The following KCTD8 variants were observed in gnomAD, a reference collection of about 807,000 sequenced individuals.
KCTD8 encodes the protein potassium channel tetramerization domain containing 8, also known as BTB/POZ domain-containing protein KCTD8.
A neutral mutation model predicts 31.5 loss-of-function variants in KCTD8; 27 were observed. The observed-to-expected ratio is 0.86, with a 90% CI of 0.63 to 1.18. KCTD8 has a LOEUF of 1.18. KCTD8 is among the 50% of genes most tolerant of loss of function. The pLI is 0.00. For missense variants in KCTD8, 658 were observed against 647.7 expected (o/e 1.02, Z -0.17); for synonymous variants, 290 against 280.0 (o/e 1.04, Z -0.36).
intron 1 of KCTD8, among the ~76,000 whole-genome samples, chr4:44,239,858 C>T (rs1051488610): frequency 9.2e-5 from 14 of 152,186 alleles, no homozygotes; most frequent in African/African-American, 3.1e-4. Flanking sequence ...ATCTCTCAGA[C>T]CAGTCCTCTA....
intron 1 of KCTD8, among the ~76,000 whole-genome samples, chr4:44,239,627 C>A (rs1715391121): frequency 6.6e-6 from 1 of 152,150 alleles, no homozygotes; most frequent in Non-Finnish European, 1.5e-5. Context: ...CCATATGATT[C>A]TGTAGTCTTT....
At chr4:44,310,385 CAGAG>C (rs1397312989) in intron 1 of KCTD8, among the ~76,000 whole-genome samples, 1 of 151,856 alleles carries the variant, frequency 6.6e-6, no homozygotes, top group African/African-American at 2.4e-5. Flanking sequence ...AAAATGGGAG[CAGAG>C]AGATTTATGA....
At chr4:44,447,003 C>A (rs1270704036) in intron 1 of KCTD8, among the ~76,000 whole-genome samples, 2 of 152,208 alleles carry the variant, frequency 1.3e-5, no homozygotes, top group Non-Finnish European at 2.9e-5. Flanking sequence ...GCTCTGGGGG[C>A]ACCTTTATCG....
chr4:44,267,819 T>C lies in KCTD8; in HGVS notation c.962-92569A>G, dbSNP rs143995314. On this transcript the variant is annotated intron_variant, in intron 1 of 1. Coordinates refer to ENST00000360029, the MANE Select transcript of KCTD8 (RefSeq NM_198353.3). ...AAGAAATGGTAAATCCCTCGACACA[T>C]ACATTCTCCCAAGACTAAACCAGGA... Among the ~76,000 whole-genome samples the C allele has an allele frequency of 6.0e-3, 914 of 152,240 alleles. 10 individuals carry two copies. Among genetic ancestry groups the C allele is most frequent in the African/African-American group, 0.021 (864 of 41,536 alleles).
intron 1 of KCTD8, among the ~76,000 whole-genome samples, chr4:44,348,788 A>G (rs1719109030): frequency 6.6e-6 from 1 of 152,028 alleles, no homozygotes; most frequent in Non-Finnish European, 1.5e-5. Flanking sequence ...AACCGGTTAT[A>G]TGACCTTCTT....
intron 1 of KCTD8, among the ~76,000 whole-genome samples, chr4:44,415,888 C>T (rs2109467150): frequency 6.6e-6 from 1 of 152,188 alleles, no homozygotes; most frequent in East Asian, 1.9e-4. Flanking sequence ...CCCACAGAGT[C>T]CCCACCAGGG....
At chr4:44,209,097 TG>T (rs962389558) in intron 1 of KCTD8, among the ~76,000 whole-genome samples, 4 of 152,162 alleles carry the variant, frequency 2.6e-5, no homozygotes, top group African/African-American at 9.6e-5. Context: ...TGCATTGATC[TG>T]GAATCTTGGA....
chr4:44,247,790 T>C (rs1715710085), intron 1 of KCTD8, among the ~76,000 whole-genome samples: 1 of 151,890 alleles, frequency 6.6e-6, no homozygotes, highest in South Asian at 2.1e-4. Flanking sequence ...TCACATATGG[T>C]AGGATTTCCT....
intron 1 of KCTD8, among the ~76,000 whole-genome samples, chr4:44,268,913 A>G (rs966979370): frequency 1.3e-5 from 2 of 152,236 alleles, no homozygotes; most frequent in Non-Finnish European, 2.9e-5. Context: ...ATGGAAGAAC[A>G]TTCCATGCTC....
chr4:44,381,482 T>C (rs915556191), intron 1 of KCTD8, among the ~76,000 whole-genome samples: 1 of 152,074 alleles, frequency 6.6e-6, no homozygotes, highest in Non-Finnish European at 1.5e-5. Flanking sequence ...AGATATTCCA[T>C]GCAAACAGGA....
chr4:44,352,913 C>G (rs1430623617), intron 1 of KCTD8, among the ~76,000 whole-genome samples: 1 of 152,050 alleles, frequency 6.6e-6, no homozygotes, highest in Non-Finnish European at 1.5e-5. Flanking sequence ...TTCACCAAAA[C>G]TCAGGTTGTG....
At chr4:44,290,465 A>C (rs1577596141) in intron 1 of KCTD8, among the ~76,000 whole-genome samples, 1 of 152,114 alleles carries the variant, frequency 6.6e-6, no homozygotes, top group Non-Finnish European at 1.5e-5. Context: ...ATTATACCTA[A>C]CAGATGTCTA....
intron 1 of KCTD8, among the ~76,000 whole-genome samples, chr4:44,405,223 C>A (rs1230063676): frequency 1.3e-5 from 2 of 149,636 alleles, no homozygotes; most frequent in African/African-American, 4.9e-5. Context: ...AGGGACAAAG[C>A]TTTGATCAGC....
chr4:44,238,088 A>G (rs1299240895), intron 1 of KCTD8, among the ~76,000 whole-genome samples: 2 of 152,160 alleles, frequency 1.3e-5, no homozygotes, highest in African/African-American at 4.8e-5. Context: ...ATCTTGTACC[A>G]TAATCCCCCT....
At chr4:44,260,170 A>G (rs1716120038) in intron 1 of KCTD8, among the ~76,000 whole-genome samples, 1 of 152,082 alleles carries the variant, frequency 6.6e-6, no homozygotes, top group South Asian at 2.1e-4. Flanking sequence ...TAAAATTAAT[A>G]GAAAGTAAGT....
At chr4:44,330,474 G>A (rs1362382220) in intron 1 of KCTD8, among the ~76,000 whole-genome samples, 1 of 151,830 alleles carries the variant, frequency 6.6e-6, no homozygotes, top group Non-Finnish European at 1.5e-5. Context: ...TTTCATGGAT[G>A]TTATCAGTAT....
At position 44,228,350 on chromosome 4, in the gene KCTD8, A is replaced by T. The variant is rs180755903; in HGVS notation, c.962-53100T>A. On this transcript the variant is annotated intron_variant, in intron 1 of 1. Coordinates refer to ENST00000360029, the MANE Select transcript of KCTD8 (RefSeq NM_198353.3). ...CTTATTAGGACGTAAGTCATATTGGATTAGGGTCTGCCCTTAGGAACTTAT... is the reference window on the plus strand; with the variant it reads ...CTTATTAGGACGTAAGTCATATTGGTTTAGGGTCTGCCCTTAGGAACTTAT... 2.6e-3 allele frequency among the ~76,000 whole-genome samples: 403 copies of T among 152,208 alleles called. 2 individuals are homozygous for T. The highest frequency in any genetic ancestry group is 3.2e-3 in the Non-Finnish European group (219 of 68,006).
rs760060899 is a variant in KCTD8 at position 44,317,228 on chromosome 4, C to CTTT, written c.961+130332_961+130334dup. Among the ~76,000 whole-genome samples the CTTT allele has an allele frequency of 5.4e-3, 196 of 36,494 alleles. 45 individuals carry two copies. The East Asian group carries it at 0.058, about 11-fold the overall frequency. 23.9% of individuals were successfully genotyped at this position (36,494 alleles called of 152,430 possible). ...TTTATGTATTGCCTATGGGTGCTTT[C>CTTT]TTTTTTTTTTTTTTTTTTTTTTGAG... is the stretch of plus-strand genomic sequence containing the variant. On this transcript the variant is annotated intron_variant, in intron 1 of 1. Transcript: ENST00000360029.
At chr4:44,226,060 C>A (rs1714952149) in intron 1 of KCTD8, among the ~76,000 whole-genome samples, 1 of 152,066 alleles carries the variant, frequency 6.6e-6, no homozygotes, top group Non-Finnish European at 1.5e-5. Flanking sequence ...CATCTCCGGA[C>A]CTTGTGATCC....
Sources: allele counts gnomAD v4.1 joint callset (sites outside exome capture counted in the v4.1 genomes callset), GRCh38; gene constraint gnomAD v4.1.1; transcripts MANE v1.5; gene names NCBI Gene and HGNC (gene_info 2026-07-23, HGNC 2026-07-21).